MAP4: variants seen among roughly 807,000 people sequenced by gnomAD.
MAP4 encodes the protein microtubule-associated protein 4.
Under a neutral mutation model 170.2 loss-of-function variants are expected in MAP4, and 76 were observed. That is an observed-to-expected ratio of 0.45 (90% CI 0.37 to 0.54). The LOEUF is 0.54. Among genes scored for constraint, MAP4 ranks in the 20% least tolerant of loss-of-function variants. The pLI is 0.00. For missense variants in MAP4, 2,506 were observed against 2,748.0 expected (o/e 0.91, Z 1.97); for synonymous variants, 909 against 994.5 (o/e 0.91, Z 1.62).
At chr3:48,027,044 T>C (rs2100113476) in intron 1 of MAP4, among the ~76,000 whole-genome samples, 1 of 151,768 alleles carries the variant, frequency 6.6e-6, no homozygotes, top group African/African-American at 2.4e-5. Flanking sequence ...ATGCCAAGAG[T>C]CCAAAAAGCA....
chr3:47,860,067 T>C (rs1360778732), intron 17 of MAP4, among the ~76,000 whole-genome samples: 2 of 152,216 alleles, frequency 1.3e-5, no homozygotes, highest in East Asian at 1.9e-4. Context: ...GCCAAAGATC[T>C]GGTAGCTGCT....
intron 10 of MAP4, chr3:47,892,647 T>C: frequency 1.4e-6 from 2 of 1,387,892 alleles, no homozygotes; most frequent in Non-Finnish European, 1.9e-6. Context: ...CAGTTGAGTA[T>C]TAAATGCACT....
intron 9 of MAP4, among the ~76,000 whole-genome samples, chr3:47,906,063 G>A (rs1175610353): frequency 3.4e-5 from 5 of 146,698 alleles, no homozygotes; most frequent in African/African-American, 7.7e-5. Flanking sequence ...ATTTTTCACC[G>A]ATTAGATCAG....
At chr3:47,876,724 AGCT>A (rs2095506282) in intron 11 of MAP4, among the ~76,000 whole-genome samples, 1 of 152,152 alleles carries the variant, frequency 6.6e-6, no homozygotes. Context: ...ATGCATCTGA[AGCT>A]ATATGATCCA....
chr3:48,023,445 T>C (rs1317539004), intron 1 of MAP4, among the ~76,000 whole-genome samples: 6 of 152,206 alleles, frequency 3.9e-5, no homozygotes, highest in Non-Finnish European at 8.8e-5. Context: ...TTCGGAAAGA[T>C]GGAGATGACT....
intron 2 of MAP4, among the ~76,000 whole-genome samples, chr3:47,988,561 G>GA (rs1247043158): frequency 6.6e-6 from 1 of 152,168 alleles, no homozygotes; most frequent in African/African-American, 2.4e-5. Context: ...TCAGAGAGTA[G>GA]ATGTGAAACA....
intron 4 of MAP4, among the ~76,000 whole-genome samples, chr3:47,922,219 G>A (rs2100043334): frequency 6.6e-6 from 1 of 152,104 alleles, no homozygotes; most frequent in South Asian, 2.1e-4. Context: ...AAAGTATTAG[G>A]ATTACAGGCG....
At chr3:48,012,075 C>T (rs1472225986) in intron 1 of MAP4, among the ~76,000 whole-genome samples, 2 of 152,138 alleles carry the variant, frequency 1.3e-5, no homozygotes, top group African/African-American at 4.8e-5. Context: ...CCTGTACCTA[C>T]CCTTTCCTAA....
chr3:47,974,609 G>C (rs1290129919), intron 3 of MAP4: 1 of 959,990 alleles, frequency 1.0e-6, no homozygotes, highest in African/African-American at 1.8e-5. Flanking sequence ...CATGGTCCAT[G>C]TTTTATGTTA....
intron 1 of MAP4, among the ~76,000 whole-genome samples, chr3:48,050,691 A>C (rs1200925412): frequency 1.3e-5 from 2 of 151,624 alleles, no homozygotes; most frequent in Non-Finnish European, 2.9e-5. Context: ...GGCGGATCAC[A>C]GGTCAAGAGA....
At chr3:47,922,699 C>G (rs190988872) in intron 4 of MAP4, among the ~76,000 whole-genome samples, 19 of 152,174 alleles carry the variant, frequency 1.2e-4, no homozygotes, top group African/African-American at 4.6e-4. Context: ...GACTCAGGAG[C>G]TGGCATGAAT....
chr3:47,855,524 T>G lies in MAP4; in HGVS notation c.6584-164A>C, dbSNP rs1279497545. ...GTTTGTCTAAAGAGGACTTCTCATA[T>G]CACAGTGAGGCTGAGACAATCTCTC... On this transcript the variant is annotated intron_variant, in intron 18 of 20. Coordinates refer to ENST00000683076, the MANE Select transcript of MAP4 (RefSeq NM_001385682.1). The surrounding 1 kb of genome is among the most constrained non-coding windows in gnomAD (Gnocchi z 5.1). 1.3e-5 allele frequency among the ~76,000 whole-genome samples: 2 copies of G among 152,170 alleles called. No individual in the cohort carries two copies. Among genetic ancestry groups the G allele is most frequent in the African/African-American group, 2.4e-5 (1 of 41,428 alleles).
intron 2 of MAP4, among the ~76,000 whole-genome samples, chr3:47,993,235 G>A (rs1171933404): frequency 6.6e-6 from 1 of 152,134 alleles, no homozygotes; most frequent in African/African-American, 2.4e-5. Flanking sequence ...GAGACAGGAG[G>A]ATCACTTGAG....
At chr3:47,957,459 C>T (rs2100068502) in intron 3 of MAP4, among the ~76,000 whole-genome samples, 1 of 152,128 alleles carries the variant, frequency 6.6e-6, no homozygotes, top group South Asian at 2.1e-4. Flanking sequence ...GTGTGAGCCA[C>T]CATGCTTGGC....
chr3:47,990,209 G>A (rs1206508298), intron 2 of MAP4, among the ~76,000 whole-genome samples: 1 of 152,216 alleles, frequency 6.6e-6, no homozygotes, highest in African/African-American at 2.4e-5. Context: ...GAGAAATTCT[G>A]CAGTATCTAT....
chr3:47,913,800 T>C (rs2100037176), intron 8 of MAP4, among the ~76,000 whole-genome samples: 5 of 152,172 alleles, frequency 3.3e-5, no homozygotes, highest in Admixed American at 3.3e-4. Flanking sequence ...TTATGTCCCA[T>C]ATGTCAGGAT....
chr3:47,919,289 TA>T (rs2100041447), intron 5 of MAP4, among the ~76,000 whole-genome samples: 1 of 151,854 alleles, frequency 6.6e-6, no homozygotes, highest in Admixed American at 6.6e-5. Flanking sequence ...CACAGACTAA[TA>T]AAAAACAATG....
rs2100036139 is a variant in MAP4, at chr3:47,911,889, C to T, written c.2532G>A (p.Leu844=). ...ECLVNSSAAR[L]VAENFVSESL... is the part of the protein sequence containing the mutation. ...TCTCTGAGACAAAGTTCTCAGCTAC[C>T]AGTCTGGCTGCACTGGAGTTAACTA... Residue 844 remains leucine, a synonymous_variant, in exon 9 of 21, where the codon CTG becomes CTA. Coordinates refer to ENST00000683076, the MANE Select transcript of MAP4 (RefSeq NM_001385682.1). This position sits in a 1 kb window ranked among gnomAD's most constrained non-coding sequence, Gnocchi z 4.0. 6.5e-7 allele frequency: 1 copy of T among 1,535,956 alleles called. No individual in the cohort carries two copies. The highest frequency in any genetic ancestry group is 1.4e-5 in the African/African-American group (1 of 73,018).
At chr3:47,919,318 C>CT (rs1228666592) in intron 5 of MAP4, among the ~76,000 whole-genome samples, 1 of 150,964 alleles carries the variant, frequency 6.6e-6, no homozygotes, top group Non-Finnish European at 1.5e-5. Flanking sequence ...AGTTTTTTTT[C>CT]TTTTTTTGAG....
Sources: gnomAD v4.1 joint callset for allele counts (sites outside exome capture counted in the v4.1 genomes callset) on GRCh38, gnomAD v4.1.1 for gene constraint, Gnocchi (gnomAD v3.1) non-coding constraint, MANE v1.5 for transcripts, NCBI Gene and HGNC (gene_info 2026-07-23, HGNC 2026-07-21) for gene names.